Variants in QTGAL observed in about 807,000 individuals in gnomAD.
QTGAL encodes the protein BGnT-like protein 1.
At chr17:82,942,767 G>T in the QTGAL span, 1 of 503,910 alleles carries the variant, frequency 2.0e-6, no homozygotes, top group Non-Finnish European at 3.5e-6. Flanking sequence ...CACTGCCCAG[G>T]GGTCAGCCAG....
chr17:82,958,031 C>T, the QTGAL span, among the ~76,000 whole-genome samples: 3 of 152,062 alleles, frequency 2.0e-5, no homozygotes, highest in African/African-American at 7.2e-5. Flanking sequence ...CTGCTCTGCC[C>T]AGCGCCCAGC....
chr17:82,955,738 G>A, the QTGAL span, among the ~76,000 whole-genome samples: 1,005 of 152,198 alleles, frequency 6.6e-3, 11 homozygotes, highest in African/African-American at 0.023. Flanking sequence ...GCAAAGACAT[G>A]GAATCAACCC....
At chr17:82,970,568 G>A in the QTGAL span, among the ~76,000 whole-genome samples, 1 of 39,486 alleles carries the variant, frequency 2.5e-5, no homozygotes, top group Admixed American at 3.2e-4. Flanking sequence ...CGCGACCTCC[G>A]CACCCGGCGT....
chr17:82,973,654 G>A, the QTGAL span, among the ~76,000 whole-genome samples: 20 of 152,220 alleles, frequency 1.3e-4, no homozygotes, highest in East Asian at 2.1e-3. Flanking sequence ...TGGTGCAACC[G>A]AAGCCTACAC....
chr17:83,015,858 A>G, the QTGAL span, among the ~76,000 whole-genome samples: 2 of 152,132 alleles, frequency 1.3e-5, no homozygotes, highest in African/African-American at 4.8e-5. This position sits in a 1 kb window ranked among gnomAD's most constrained non-coding sequence, Gnocchi z 4.4. Flanking sequence ...TCATCCCAAA[A>G]CCACGCCCCC....
chr17:83,036,692 C>T, the QTGAL span, among the ~76,000 whole-genome samples: 508 of 152,222 alleles, frequency 3.3e-3, 1 homozygote, highest in African/African-American at 0.011. Context: ...CGTGAACCAG[C>T]AGAAGCAAGG....
At chr17:82,978,379 T>C in the QTGAL span, 1 of 152,326 alleles carries the variant, frequency 6.6e-6, no homozygotes, top group African/African-American at 2.4e-5. This position sits in a 1 kb window ranked among gnomAD's most constrained non-coding sequence, Gnocchi z 4.8. Flanking sequence ...CTGCACGTGA[T>C]TGACACTTTG....
At chr17:82,991,211 T>C in the QTGAL span, among the ~76,000 whole-genome samples, 1 of 152,132 alleles carries the variant, frequency 6.6e-6, no homozygotes, top group South Asian at 2.1e-4. Flanking sequence ...ACCACATCCA[T>C]GGGCGGGGAG....
the QTGAL span, among the ~76,000 whole-genome samples, chr17:82,979,195 G>A: frequency 6.6e-6 from 1 of 152,194 alleles, no homozygotes; most frequent in Non-Finnish European, 1.5e-5. Context: ...GCTCTTTGAA[G>A]AGATTAATAA....
the QTGAL span, among the ~76,000 whole-genome samples, chr17:83,012,284 G>A: frequency 7.3e-5 from 11 of 150,520 alleles, no homozygotes; most frequent in South Asian, 1.5e-3. Flanking sequence ...CGAACTCCTC[G>A]TATCCATAAG....
the QTGAL span, chr17:82,947,066 G>A: frequency 1.6e-6 from 2 of 1,259,334 alleles, no homozygotes; most frequent in African/African-American, 3.0e-5. Context: ...GCCAGGGGTT[G>A]GGGGTGGCCT....
the QTGAL span, among the ~76,000 whole-genome samples, chr17:83,040,369 C>T: frequency 2.0e-5 from 3 of 152,134 alleles, no homozygotes; most frequent in Non-Finnish European, 2.9e-5. Flanking sequence ...TATAGGCAGG[C>T]ATATTTTTTT....
chr17:82,961,062 G>A, the QTGAL span: 1 of 1,609,258 alleles, frequency 6.2e-7, no homozygotes, highest in East Asian at 2.2e-5. Context: ...CTCACTCGAG[G>A]ACGCAGTGCG....
chr17:83,018,887 T>A, the QTGAL span, among the ~76,000 whole-genome samples: 1 of 152,194 alleles, frequency 6.6e-6, no homozygotes, highest in African/African-American at 2.4e-5. Context: ...GACATGGAGC[T>A]GTTTCTCCCC....
At chr17:82,959,056 G>A in the QTGAL span, among the ~76,000 whole-genome samples, 1 of 121,392 alleles carries the variant, frequency 8.2e-6, no homozygotes, top group African/African-American at 3.3e-5. Context: ...TATGGTGTGT[G>A]TGTGTGTACA....
the QTGAL span, among the ~76,000 whole-genome samples, chr17:82,965,278 C>G: frequency 6.6e-6 from 1 of 151,998 alleles, no homozygotes; most frequent in Non-Finnish European, 1.5e-5. Context: ...CAGGTGCACC[C>G]CCGGGGGGAG....
chr17:83,019,513 C>T, the QTGAL span, among the ~76,000 whole-genome samples: 487 of 152,230 alleles, frequency 3.2e-3, 5 homozygotes, highest in African/African-American at 8.6e-3. Flanking sequence ...TGGACGGAGA[C>T]GGGTGGCAGC....
At chr17:82,956,549 T>A in the QTGAL span, 3 of 926,780 alleles carry the variant, frequency 3.2e-6, no homozygotes, top group Non-Finnish European at 4.7e-6. The surrounding 1 kb of genome is among the most constrained non-coding windows in gnomAD (Gnocchi z 5.7). Context: ...GGTGCTGTTG[T>A]GGACGGCTGT....
chr17:83,043,294 G>T, the QTGAL span, among the ~76,000 whole-genome samples: 4,399 of 152,268 alleles, frequency 0.029, 220 homozygotes, highest in African/African-American at 0.1. Flanking sequence ...TTAAACATTT[G>T]TTTAAAGATT....
Sources: gnomAD v4.1 joint callset for allele counts (sites outside exome capture counted in the v4.1 genomes callset) on GRCh38, gnomAD v4.1.1 for gene constraint, Gnocchi (gnomAD v3.1) non-coding constraint, MANE v1.5 for transcripts, NCBI Gene and HGNC (gene_info 2026-07-23, HGNC 2026-07-21) for gene names.